HSD3B1: variants seen among roughly 807,000 people sequenced by gnomAD.
HSD3B1 encodes hydroxy-delta-5-steroid dehydrogenase, 3 beta- and steroid delta-isomerase 1, also known as 3 beta-hydroxysteroid dehydrogenase/Delta 5-->4-isomerase type 1.
A neutral mutation model predicts 10.4 loss-of-function variants in HSD3B1; 11 were observed. The ratio of observed to expected loss-of-function variants is 1.05; its 90% confidence interval spans 0.66 to 1.75. The LOEUF (loss-of-function observed/expected upper bound fraction) is 1.75. Among genes scored for constraint, HSD3B1 ranks in the 40% most tolerant of loss-of-function variants. The pLI is 0.00. For synonymous variants in HSD3B1, 217 were observed against 185.4 expected, an observed-to-expected ratio of 1.17 and a Z score of -1.39; for missense variants, 490 against 454.5, an observed-to-expected ratio of 1.08 and a Z score of -0.71.
chr1:119,514,283 T>A lies in HSD3B1; in HGVS notation c.760T>A (p.Tyr254Asn). ...GGCCCCAAGCATCCGAGGACAGTTC[T>A]ACTATATCTCAGATGACACGCCTCA... ...KKAPSIRGQF[Y>N]YISDDTPHQS... is the part of the protein sequence containing the mutation. Residue 254 changes from tyrosine (Y) to asparagine (N), a missense_variant, in exon 4 of 4, where the codon TAC becomes AAC. Transcript: ENST00000369413. 1 of 1,614,100 alleles carries A rather than the reference T, an allele frequency of 6.2e-7. No individual in the cohort carries two copies. Among genetic ancestry groups the A allele is most frequent in the South Asian group, 1.1e-5 (1 of 91,080 alleles).
intron 3 of HSD3B1, chr1:119,512,076 C>T: frequency 4.3e-6 from 1 of 232,402 alleles, no homozygotes; most frequent in South Asian, 7.3e-5. Flanking sequence ...CTTGCAGGTG[C>T]CACTGTAGTC....
At chr1:119,512,204 G>T (rs955747413) in intron 3 of HSD3B1, among the ~76,000 whole-genome samples, 7 of 152,184 alleles carry the variant, frequency 4.6e-5, no homozygotes, top group African/African-American at 1.7e-4. Flanking sequence ...TGTCAGGACA[G>T]AATTATCCAG....
At chr1:119,512,670 A>C (rs1325401546) in intron 3 of HSD3B1, among the ~76,000 whole-genome samples, 1 of 152,172 alleles carries the variant, frequency 6.6e-6, no homozygotes, top group Non-Finnish European at 1.5e-5. Flanking sequence ...ACCAGTTTTA[A>C]TTACTACTTC....
At position 119,511,483 on chromosome 1, in the gene HSD3B1, C is replaced by T. The variant is rs752583622; in HGVS notation, c.146-20C>T. 4.3e-6 allele frequency: 7 copies of T among 1,613,180 alleles called. No individual in the cohort carries two copies. The highest frequency in any genetic ancestry group is 2.2e-5 in the East Asian group (1 of 44,832). ...CCAGATACAGAAATCATTCCAATGA[C>T]CTGACCTGTGTTCACACAGAACTCC... On this transcript the variant is annotated intron_variant, in intron 2 of 3. Transcript: ENST00000369413.
intron 1 of HSD3B1, 43 bp from the exon 2 acceptor site, chr1:119,507,349 A>T: frequency 1.1e-6 from 1 of 879,264 alleles, no homozygotes; most frequent in Non-Finnish European, 1.8e-6. Context: ...GAGGAAAATG[A>T]GGCATCTGTG....
At chr1:119,512,589 AAAAC>A (rs1653968202) in intron 3 of HSD3B1, among the ~76,000 whole-genome samples, 1 of 152,122 alleles carries the variant, frequency 6.6e-6, no homozygotes, top group African/African-American at 2.4e-5. Flanking sequence ...AAGAAAAAAA[AAAAC>A]AACTTCCAGT....
intron 2 of HSD3B1, among the ~76,000 whole-genome samples, chr1:119,510,976 G>A (rs1458586456): frequency 4.0e-5 from 6 of 151,766 alleles, no homozygotes; most frequent in East Asian, 1.9e-4. Flanking sequence ...AACCTCCTGC[G>A]CTCCAGTGAT....
In HSD3B1 at chr1:119,507,634, G is replaced by C. The variant is rs1238222149; in HGVS notation, c.145+13G>C. 1.2e-6 allele frequency: 2 copies of C among 1,613,532 alleles called. No individual in the cohort carries two copies. The highest frequency in any genetic ancestry group is 1.7e-6 in the Non-Finnish European group (2 of 1,179,658). On this transcript the variant is annotated intron_variant, in intron 2 of 3. Coordinates refer to ENST00000369413, the MANE Select transcript of HSD3B1 (RefSeq NM_000862.3). ...GAGGAATTTTCTAGTAAGTAAACTTGGGTCATGGGTGTGTGGTTCCATCTT... is the reference window on the plus strand; with the variant it reads ...GAGGAATTTTCTAGTAAGTAAACTTCGGTCATGGGTGTGTGGTTCCATCTT...
chr1:119,514,432 C>T lies in HSD3B1; in HGVS notation c.909C>T (p.Phe303=). 1 of 1,614,172 alleles carries T rather than the reference C, an allele frequency of 6.2e-7. No individual in the cohort carries two copies. ...GCTTCCTGCTGGAAATAGTGAGCTTCCTACTCAGGCCAATTTACACCTATC... is the reference window on the plus strand; with the variant it reads ...GCTTCCTGCTGGAAATAGTGAGCTTTCTACTCAGGCCAATTTACACCTATC... ...WIGFLLEIVS[F]LLRPIYTYRP... is the part of the protein sequence containing the mutation. The change falls in exon 4 of 4, where the codon TTC becomes TTT. Residue 303 remains phenylalanine, a synonymous_variant. Transcript: ENST00000369413.
Position 119,514,796 on chromosome 1 carries a change from T to A in HSD3B1, c.*151T>A. The A allele has an allele frequency of 1.2e-6, 1 of 830,520 alleles. No homozygotes were observed. Among genetic ancestry groups the A allele is most frequent in the East Asian group, 2.7e-5 (1 of 37,624 alleles). 51.4% of individuals were successfully genotyped at this position (830,520 alleles called of 1,614,324 possible). ...TGGCCAACTTATTGTATTCCTCATGTCATCAAAACCTGCGCAGTCATTGGC... is the reference window on the plus strand; with the variant it reads ...TGGCCAACTTATTGTATTCCTCATGACATCAAAACCTGCGCAGTCATTGGC... On this transcript the variant is annotated 3_prime_UTR_variant, in exon 4 of 4. Transcript: ENST00000369413.
intron 3 of HSD3B1, 69 bp from the exon 4 acceptor site, chr1:119,513,765 G>A (rs1654013052): frequency 6.9e-7 from 1 of 1,450,344 alleles, no homozygotes; most frequent in South Asian, 1.2e-5. Flanking sequence ...GGGGCACATA[G>A]ATCTGTGTTC....
chr1:119,507,734 A>G (rs587697629), intron 2 of HSD3B1, 113 bp downstream of exon 2: 3 of 1,046,068 alleles, frequency 2.9e-6, no homozygotes, highest in Non-Finnish European at 4.5e-6. Context: ...ATCTAAGCCA[A>G]TCTCACATCC....
chr1:119,514,098 G>T lies in HSD3B1; in HGVS notation c.575G>T (p.Gly192Val). 6.2e-7 allele frequency: 1 copy of T among 1,614,108 alleles called. No homozygotes were observed. The highest frequency in any genetic ancestry group is 8.5e-7 in the Non-Finnish European group (1 of 1,180,004). Residue 192 changes from glycine to valine, a missense_variant, in exon 4 of 4, where the codon GGG becomes GTG. By Grantham distance (109) the Gly-to-Val change is moderately radical. Coordinates refer to ENST00000369413, the MANE Select transcript of HSD3B1 (RefSeq NM_000862.3). ...TCALRPMYIY[G>V]EGSRFLSASI... ...GCCTTACGACCCATGTATATCTATGGGGAAGGAAGCCGATTCCTTTCTGCT... is the reference window on the plus strand; with the variant it reads ...GCCTTACGACCCATGTATATCTATGTGGAAGGAAGCCGATTCCTTTCTGCT...
Position 119,514,685 on chromosome 1 carries a change from A to G in HSD3B1, c.*40A>G. 1 of 1,601,132 alleles carries G rather than the reference A, an allele frequency of 6.2e-7. No homozygotes were observed. The highest frequency in any genetic ancestry group is 8.5e-7 in the Non-Finnish European group (1 of 1,172,626). On this transcript the variant is annotated 3_prime_UTR_variant, in exon 4 of 4. Coordinates refer to ENST00000369413, the MANE Select transcript of HSD3B1 (RefSeq NM_000862.3). ...AGATGTGCATGTGGGTATTGTTAGG[A>G]GATGTCATCAAGCTCCACCCTCCTG...
chr1:119,510,279 G>A (rs987134623), intron 2 of HSD3B1, among the ~76,000 whole-genome samples: 1 of 152,134 alleles, frequency 6.6e-6, no homozygotes, highest in Admixed American at 6.5e-5. Context: ...TTAGTTCATT[G>A]GTGGTTAACT....
chr1:119,507,670 TG>T (rs1409285605), intron 2 of HSD3B1, 49 bp downstream of exon 2: 1 of 1,588,188 alleles, frequency 6.3e-7, no homozygotes, highest in Non-Finnish European at 8.6e-7. Context: ...AAACACTGCA[TG>T]TATGTGGGGG....
chr1:119,511,521 A>T lies in HSD3B1; in HGVS notation c.164A>T (p.Lys55Met). The change falls in exon 3 of 4, where the codon AAG (lysine) becomes ATG (methionine). Residue 55 changes from lysine (K) to methionine (M), a missense_variant. Transcript: ENST00000369413. Reference sequence around the variant, plus strand: ...CACACAGAACTCCAGAACAAGACCAAGCTGACAGTGCTGGAAGGAGACATT... The same window carrying T: ...CACACAGAACTCCAGAACAAGACCATGCTGACAGTGCTGGAAGGAGACATT... ...EEFSKLQNKT[K>M]LTVLEGDILD... The T allele has an allele frequency of 4.3e-6, 7 of 1,613,836 alleles. No homozygotes were observed. The highest frequency in any genetic ancestry group is 5.9e-6 in the Non-Finnish European group (7 of 1,179,786).
rs765307805 is a variant in HSD3B1, at chr1:119,514,493, A to C, written c.970A>C (p.Asn324His). The change falls in exon 4 of 4, where the codon AAT becomes CAT. Residue 324 changes from asparagine to histidine, a missense_variant. Coordinates refer to ENST00000369413, the MANE Select transcript of HSD3B1 (RefSeq NM_000862.3). ...PFNRHIVTLSNSVFTFSYKKA... is the reference protein window; with the variant it reads ...PFNRHIVTLSHSVFTFSYKKA... The stretch of plus-strand genomic sequence containing the variant: ...CAACCGCCACATAGTCACATTGTCA[A>C]ATAGCGTATTCACCTTCTCTTATAA... The C allele has an allele frequency of 6.2e-7, 1 of 1,614,068 alleles. No individual in the cohort carries two copies. The highest frequency in any genetic ancestry group is 8.5e-7 in the Non-Finnish European group (1 of 1,180,000).
chr1:119,514,434 T>A lies in HSD3B1; in HGVS notation c.911T>A (p.Leu304Gln). Residue 304 changes from leucine (L) to glutamine (Q), a missense_variant, in exon 4 of 4, where the codon CTA becomes CAA. By Grantham distance (113) the Leu-to-Gln change is moderately radical (BLOSUM62 -2). Transcript: ENST00000369413. ...IGFLLEIVSF[L>Q]LRPIYTYRPP... ...TTCCTGCTGGAAATAGTGAGCTTCC[T>A]ACTCAGGCCAATTTACACCTATCGA... 1 of 1,614,168 alleles carries A rather than the reference T, an allele frequency of 6.2e-7. No individual in the cohort carries two copies. Among genetic ancestry groups the A allele is most frequent in the Non-Finnish European group, 8.5e-7 (1 of 1,180,022 alleles).
Sources: allele counts gnomAD v4.1 joint callset (sites outside exome capture counted in the v4.1 genomes callset), GRCh38; gene constraint gnomAD v4.1.1; transcripts MANE v1.5; gene names NCBI Gene and HGNC (gene_info 2026-07-23, HGNC 2026-07-21).